Variants in SIN3A observed in about 807,000 individuals in gnomAD.
SIN3A encodes the protein paired amphipathic helix protein Sin3a.
In SIN3A, 14 loss-of-function variants were observed where a neutral mutation model predicts 146.1. The ratio of observed to expected loss-of-function variants is 0.10; its 90% CI spans 0.06 to 0.15. The LOEUF (loss-of-function observed/expected upper bound fraction) is 0.15. SIN3A is among the 10% of genes least tolerant of loss of function. SIN3A has a pLI of 1.00. For synonymous variants in SIN3A, 572 were observed against 572.0 expected (o/e 1.00, Z 0.00); for missense variants, 1,028 against 1,576.0 (o/e 0.65, Z 5.89).
intron 6 of SIN3A, among the ~76,000 whole-genome samples, chr15:75,410,582 G>A (rs984859777): frequency 2.0e-5 from 3 of 151,888 alleles, no homozygotes; most frequent in South Asian, 4.2e-4. Context: ...GATTACAGGC[G>A]TGAGACACCA....
rs145864968 is a variant in SIN3A, at chr15:75,418,904, G to A, written c.366+3743C>T. Reference sequence around the variant, plus strand: ...CAAGTAGCTGGGACTACAGGCGCCCGCCACCACGGCCGGCTAATTTTTTTT... The same window carrying A: ...CAAGTAGCTGGGACTACAGGCGCCCACCACCACGGCCGGCTAATTTTTTTT... On this transcript the variant is annotated intron_variant, in intron 3 of 20. Coordinates refer to ENST00000394947, the MANE Select transcript of SIN3A (RefSeq NM_001145358.2). Among the ~76,000 whole-genome samples the A allele has an allele frequency of 8.5e-3, 1,300 of 152,128 alleles. 34 individuals carry two copies. In the East Asian group the frequency reaches 0.11, roughly 12 times the overall value.
chr15:75,443,737 G>T (rs898431832), intron 1 of SIN3A: 2 of 152,056 alleles, frequency 1.3e-5, no homozygotes, highest in Non-Finnish European at 2.9e-5. Flanking sequence ...AAAAGTTGCT[G>T]TAAGTTTTGG....
chr15:75,382,079 T>G (rs1230368005), intron 17 of SIN3A, among the ~76,000 whole-genome samples: 1 of 152,160 alleles, frequency 6.6e-6, no homozygotes, highest in Admixed American at 6.5e-5. Context: ...TAGGACGTAA[T>G]AGAGGAGGTA....
chr15:75,421,840 G>C (rs192956547), intron 3 of SIN3A: 1 of 152,282 alleles, frequency 6.6e-6, no homozygotes, highest in East Asian at 1.9e-4. Flanking sequence ...GAGATACAAG[G>C]TTAGCTGGGA....
In SIN3A at chr15:75,396,253, T is replaced by G. The variant is rs775354953; in HGVS notation, c.2093+5A>C. 1.5e-5 allele frequency: 24 copies of G among 1,603,202 alleles called. No homozygotes were observed. The highest frequency in any genetic ancestry group is 2.1e-5 in the Non-Finnish European group (24 of 1,170,216). On this transcript the variant is annotated splice_donor_5th_base_variant and intron_variant, in intron 13 of 20. Transcript: ENST00000394947. ...AAAGCACTAAGGGCACATTTGCTCA[T>G]GTACCTTTTAAGGACAATTGGAACA... is the stretch of plus-strand genomic sequence containing the variant.
intron 1 of SIN3A, among the ~76,000 whole-genome samples, chr15:75,431,404 A>C (rs945099307): frequency 8.5e-5 from 13 of 152,222 alleles, no homozygotes; most frequent in Middle Eastern, 3.4e-3. Flanking sequence ...AGGACACAGT[A>C]ATCTACTTGG....
At chr15:75,442,617 T>TAAAA (rs374599694) in intron 1 of SIN3A, among the ~76,000 whole-genome samples, 1 of 123,118 alleles carries the variant, frequency 8.1e-6, no homozygotes, top group Non-Finnish European at 1.7e-5. Flanking sequence ...ATCCCATCTT[T>TAAAA]AAAAAAAAAA....
At chr15:75,437,167 T>C (rs2074122305) in intron 1 of SIN3A, among the ~76,000 whole-genome samples, 1 of 139,008 alleles carries the variant, frequency 7.2e-6, no homozygotes, top group South Asian at 2.3e-4. Flanking sequence ...AGATAGGCAG[T>C]CCCAGAACCC....
chr15:75,401,905 G>A lies in SIN3A; in HGVS notation c.1473C>T (p.Asn491=). The A allele has an allele frequency of 1.2e-6, 2 of 1,613,998 alleles. No individual in the cohort carries two copies. The highest frequency in any genetic ancestry group is 1.7e-6 in the Non-Finnish European group (2 of 1,179,908). Residue 491 remains asparagine (N), a synonymous_variant, in exon 10 of 21, where the codon AAC becomes AAT. Transcript: ENST00000394947. Reference sequence around the variant, plus strand: ...GCTCAGCACGAGAGATCACCTCCTGGTTAAAAATAACAAGACAGCGTAGGA... The same window carrying A: ...GCTCAGCACGAGAGATCACCTCCTGATTAAAAATAACAAGACAGCGTAGGA... ...ENFLRCLVIF[N]QEVISRAELV... is the part of the protein sequence containing the mutation.
upstream of SIN3A, among the ~76,000 whole-genome samples, chr15:75,454,133 T>C (rs972366403): frequency 6.0e-5 from 9 of 150,746 alleles, no homozygotes; most frequent in East Asian, 4.0e-4. Flanking sequence ...CCTCACGTCA[T>C]CCGCAAGAAC....
chr15:75,446,638 C>T (rs762472268), intron 1 of SIN3A, among the ~76,000 whole-genome samples: 5 of 151,678 alleles, frequency 3.3e-5, no homozygotes, highest in African/African-American at 9.7e-5. Context: ...ACTACAGGCA[C>T]GCGCCAGCAT....
intron 5 of SIN3A, among the ~76,000 whole-genome samples, chr15:75,412,131 G>A (rs573387229): frequency 2.0e-5 from 3 of 152,242 alleles, no homozygotes; most frequent in East Asian, 1.9e-4. Context: ...AGTCTTCTAC[G>A]CCAACTCTGT....
At chr15:75,444,689 A>G (rs993204957) in intron 1 of SIN3A, among the ~76,000 whole-genome samples, 6 of 151,986 alleles carry the variant, frequency 3.9e-5, no homozygotes, top group Admixed American at 1.3e-4. Context: ...GGCAATACAG[A>G]CTTCGGTGAC....
Position 75,396,476 on chromosome 15 carries a change from G to A in SIN3A, c.1875C>T (p.Thr625=), listed in dbSNP as rs936375947. The stretch of plus-strand genomic sequence containing the variant: ...CCAGAACCCGGATTGTTGCCAGATT[G>A]GTCTCTAAAACTACATCAAGCTGAA... ...ERFELDVVLE[T]NLATIRVLEA... is the part of the protein sequence containing the mutation. The change falls in exon 13 of 21, where the codon ACC becomes ACT. Residue 625 remains threonine, a synonymous_variant. Transcript: ENST00000394947. The A allele has an allele frequency of 2.5e-6, 4 of 1,613,392 alleles. No homozygotes were observed. Among genetic ancestry groups the A allele is most frequent in the Non-Finnish European group, 3.4e-6 (4 of 1,179,682 alleles).
intron 5 of SIN3A, among the ~76,000 whole-genome samples, chr15:75,412,014 A>C (rs965573330): frequency 8.5e-5 from 13 of 152,210 alleles, no homozygotes; most frequent in Admixed American, 1.3e-4. Flanking sequence ...TTTCATATGC[A>C]ATGTTTTAGC....
chr15:75,375,894 G>GGATGA (rs747408351), intron 19 of SIN3A, 22 bp from the exon 20 acceptor site: 2 of 1,612,122 alleles, frequency 1.2e-6, no homozygotes, highest in African/African-American at 2.7e-5. Context: ...AAGCCCCGGA[G>GGATGA]GATGAGAGCT....
In SIN3A at chr15:75,413,001, T is replaced by C. The variant is rs753942159; in HGVS notation, c.518A>G (p.Lys173Arg). The change falls in exon 5 of 21, where the codon AAA becomes AGA. Residue 173 changes from lysine to arginine, a missense_variant. Lys to Arg is a conservative substitution (Grantham distance 26). This residue lies in a region of SIN3A where 152 missense variants were observed against 231.5 expected (regional missense o/e 0.66). Transcript: ENST00000394947. ...TCCCATTATCAGATCGGGGTGGCCTTTGAATAGCTGGGACACACGACTAAT... is the reference window on the plus strand; with the variant it reads ...TCCCATTATCAGATCGGGGTGGCCTCTGAATAGCTGGGACACACGACTAAT... ...GVISRVSQLF[K>R]GHPDLIMGFN... The C allele has an allele frequency of 2.0e-5, 33 of 1,613,908 alleles. No individual in the cohort carries two copies. The highest frequency in any genetic ancestry group is 2.8e-5 in the Non-Finnish European group (33 of 1,179,968).
At chr15:75,377,434 G>C (rs1388363320) in intron 19 of SIN3A, among the ~76,000 whole-genome samples, 4 of 151,984 alleles carry the variant, frequency 2.6e-5, no homozygotes, top group Non-Finnish European at 4.4e-5. Flanking sequence ...AGACTAGCCT[G>C]GCCAACATGG....
upstream of SIN3A, among the ~76,000 whole-genome samples, chr15:75,454,173 C>A (rs2074453641): frequency 6.6e-6 from 1 of 150,502 alleles, no homozygotes; most frequent in Non-Finnish European, 1.5e-5. Context: ...AAAAAAAAAT[C>A]CTAGCAACTT....
Sources: gnomAD v4.1 joint callset for allele counts (sites outside exome capture counted in the v4.1 genomes callset) on GRCh38, gnomAD v4.1.1 for gene constraint, gnomAD v4.1.1 regional missense constraint, MANE v1.5 for transcripts, NCBI Gene and HGNC (gene_info 2026-07-23, HGNC 2026-07-21) for gene names.